MDN1: variants seen among roughly 807,000 people sequenced by gnomAD.
MDN1 encodes the protein midasin AAA ATPase 1.
MDN1 carries 266 observed loss-of-function variants against 669.2 expected under a neutral mutation model. The ratio of observed to expected loss-of-function variants is 0.40; its 90% CI spans 0.36 to 0.44. MDN1 has a LOEUF of 0.44. Among genes scored for constraint, MDN1 ranks in the 20% least tolerant of loss-of-function variants. MDN1 has a pLI of 1.00. For missense variants in MDN1, 5,940 were observed against 6,754.0 expected (o/e 0.88, Z 4.22); for synonymous variants, 2,385 against 2,457.1 (o/e 0.97, Z 0.87).
At chr6:89,785,184 G>A in intron 8 of MDN1, 58 bp from the exon 9 acceptor site, 13 of 1,166,296 alleles carry the variant, frequency 1.1e-5, no homozygotes, top group Non-Finnish European at 1.5e-5. Context: ...ATCCTGAATT[G>A]TGCCTCTGGA....
intron 11 of MDN1, among the ~76,000 whole-genome samples, chr6:89,779,149 A>G (rs1818514097): frequency 6.6e-6 from 1 of 152,144 alleles, no homozygotes; most frequent in African/African-American, 2.4e-5. Context: ...GAGCTGGACA[A>G]AAACAATTTG....
intron 73 of MDN1, among the ~76,000 whole-genome samples, chr6:89,682,447 G>A (rs111384220): frequency 0.14 from 21,366 of 151,996 alleles, 1,749 homozygotes; most frequent in South Asian, 0.18. Context: ...GGTGGCTCCC[G>A]CCTGTAATCC....
intron 8 of MDN1, among the ~76,000 whole-genome samples, chr6:89,786,439 TAATAAA>T (rs1218795522): frequency 1.3e-5 from 2 of 151,142 alleles, no homozygotes; most frequent in South Asian, 2.1e-4. Flanking sequence ...ATAATAATAA[TAATAAA>T]AAAAATTTGT....
At chr6:89,651,477 G>A (rs1046260878) in intron 95 of MDN1, among the ~76,000 whole-genome samples, 2 of 151,890 alleles carry the variant, frequency 1.3e-5, no homozygotes, top group African/African-American at 4.8e-5. Context: ...TTAGTCGGGC[G>A]TGGTGGCAAG....
At chr6:89,755,379 CAAAAAAAAAA>C (rs143855867) in intron 20 of MDN1, among the ~76,000 whole-genome samples, 1 of 121,238 alleles carries the variant, frequency 8.2e-6, no homozygotes, top group South Asian at 2.7e-4. Context: ...CTCCTGTATC[CAAAAAAAAAA>C]AAAAAAAAAA....
At position 89,724,346 on chromosome 6, in the gene MDN1, G is replaced by A. The variant is rs536541567; in HGVS notation, c.5671-727C>T. On this transcript the variant is annotated intron_variant, in intron 38 of 101. Coordinates refer to ENST00000369393, the MANE Select transcript of MDN1 (RefSeq NM_014611.3). ...TGCCAAGGCTGGAGTACAATGGCGC[G>A]ATCTCAGCTCACTGCAACCTCCGCC... Among the ~76,000 whole-genome samples, 54 of 151,840 alleles carry A rather than the reference G, an allele frequency of 3.6e-4. 1 individual carries two copies. In the South Asian group the frequency reaches 0.011, roughly 31 times the overall value.
intron 84 of MDN1, among the ~76,000 whole-genome samples, chr6:89,667,070 T>C (rs1810306122): frequency 6.6e-6 from 1 of 152,246 alleles, no homozygotes; most frequent in Non-Finnish European, 1.5e-5. Context: ...TGGGGGTCAA[T>C]GAATACACAT....
intron 85 of MDN1, among the ~76,000 whole-genome samples, chr6:89,664,247 A>C (rs975559188): frequency 2.8e-5 from 4 of 143,184 alleles, no homozygotes; most frequent in East Asian, 2.1e-4. Flanking sequence ...GAGCCACTGC[A>C]TCTAGCACAC....
rs1231543264 is a variant in MDN1, at chr6:89,725,367, T to C, written c.5502A>G (p.Glu1834=). 5 of 1,613,836 alleles carry C rather than the reference T, an allele frequency of 3.1e-6. No individual in the cohort carries two copies. The African/African-American group carries it at 6.7e-5, about 22-fold the overall frequency. The change falls in exon 38 of 102, where the codon GAA becomes GAG. Residue 1834 remains glutamate, a synonymous_variant. Coordinates refer to ENST00000369393, the MANE Select transcript of MDN1 (RefSeq NM_014611.3). ...GGTGGTCAAAACAAGCATTGAGTCC[T>C]TCCAATACAGACTGAGAAGCCAGGT... is the stretch of plus-strand genomic sequence containing the variant. ...ELNLASQSVL[E]GLNACFDHRG... is the part of the protein sequence containing the mutation.
chr6:89,676,247 C>T lies in MDN1; in HGVS notation c.12540-40G>A, dbSNP rs764349782. 3.4e-5 allele frequency: 53 copies of T among 1,553,846 alleles called. No individual in the cohort carries two copies. The Admixed American group carries it at 4.8e-4, about 14-fold the overall frequency. On this transcript the variant is annotated intron_variant, in intron 76 of 101. Coordinates refer to ENST00000369393, the MANE Select transcript of MDN1 (RefSeq NM_014611.3). ...AACATTGTTTACTTAATTAAAACCA[C>T]GCTCTCCCACCCCAGATCCTGAAAA...
At chr6:89,686,082 T>C in intron 69 of MDN1, 109 bp from the exon 70 acceptor site, 1 of 1,065,220 alleles carries the variant, frequency 9.4e-7, no homozygotes, top group Admixed American at 2.5e-5. Context: ...GAGGTAGACA[T>C]CACAATGTGA....
Position 89,781,493 on chromosome 6 carries a change from T to C in MDN1, c.1549A>G (p.Ser517Gly), listed in dbSNP as rs1818670702. 6.2e-7 allele frequency: 1 copy of C among 1,613,838 alleles called. No individual in the cohort carries two copies. Among genetic ancestry groups the C allele is most frequent in the Non-Finnish European group, 8.5e-7 (1 of 1,179,702 alleles). The change falls in exon 10 of 102, where the codon AGT becomes GGT. Residue 517 changes from serine to glycine, a missense_variant. Ser to Gly is a moderately conservative substitution (Grantham distance 56). This residue lies in a region of MDN1 where 1,203 missense variants were observed against 1,268.9 expected (regional missense o/e 0.95). Transcript: ENST00000369393. ...GGTGCCTGTTCACATCCAACAGAAC[T>C]ATCACTCCAAGAGTGATGTTTCTCT... ...TGEKHHSWSD[S>G]SVGCEQAPEE...
At chr6:89,692,406 G>T (rs1047293965) in intron 63 of MDN1, 37 bp downstream of exon 63, 1 of 1,560,736 alleles carries the variant, frequency 6.4e-7, no homozygotes, top group Non-Finnish European at 8.7e-7. Context: ...CTCTCTGCAG[G>T]AGGAAGGGCA....
At chr6:89,778,861 G>A (rs1247069623) in intron 11 of MDN1, among the ~76,000 whole-genome samples, 4 of 149,034 alleles carry the variant, frequency 2.7e-5, no homozygotes, top group Non-Finnish European at 5.9e-5. Context: ...ACTCCAGCCT[G>A]GGTAATAGAG....
intron 88 of MDN1, among the ~76,000 whole-genome samples, chr6:89,660,720 T>A (rs1234715289): frequency 6.6e-6 from 1 of 152,174 alleles, no homozygotes; most frequent in East Asian, 1.9e-4. Context: ...AACTTGCTAT[T>A]TTTGTTCTAA....
intron 10 of MDN1, 150 bp downstream of exon 10, chr6:89,781,249 C>A: frequency 1.4e-6 from 1 of 706,738 alleles, no homozygotes; most frequent in Non-Finnish European, 2.4e-6. Flanking sequence ...TGACTATTTA[C>A]TTCTAGCTGG....
At chr6:89,749,196 C>T in intron 26 of MDN1, 27 bp downstream of exon 26, 2 of 1,607,808 alleles carry the variant, frequency 1.2e-6, no homozygotes, top group Non-Finnish European at 8.5e-7. Flanking sequence ...CAAGTATAAT[C>T]AATACATTCC....
At chr6:89,672,523 A>C in intron 81 of MDN1, 24 bp downstream of exon 81, 1 of 1,602,540 alleles carries the variant, frequency 6.2e-7, no homozygotes, top group Non-Finnish European at 8.5e-7. Flanking sequence ...CATGAAACTA[A>C]TTTCTGCCTG....
rs949956195 is a variant in MDN1, at chr6:89,676,879, T to C, written c.12540-672A>G. 4.6e-5 allele frequency among the ~76,000 whole-genome samples: 7 copies of C among 152,290 alleles called. No individual in the cohort carries two copies. The South Asian group carries it at 6.2e-4, about 14-fold the overall frequency. On this transcript the variant is annotated intron_variant, in intron 76 of 101. Coordinates refer to ENST00000369393, the MANE Select transcript of MDN1 (RefSeq NM_014611.3). The stretch of plus-strand genomic sequence containing the variant: ...TAGCTCTGCCTGTCTCAATAGTGTA[T>C]GGACTCGCAAATTCAATAACATATT...
Sources: allele counts gnomAD v4.1 joint callset (sites outside exome capture counted in the v4.1 genomes callset), GRCh38; gene constraint gnomAD v4.1.1; regional missense constraint gnomAD v4.1.1; transcripts MANE v1.5; gene names NCBI Gene and HGNC (gene_info 2026-07-23, HGNC 2026-07-21).